Variants in MYCBP2 observed in about 807,000 individuals in gnomAD.
The protein encoded by MYCBP2 is E3 ubiquitin-protein ligase MYCBP2.
MYCBP2 carries 120 observed loss-of-function variants against 525.3 expected under a neutral mutation model. The observed-to-expected ratio is 0.23, with a 90% confidence interval of 0.20 to 0.27. The LOEUF (loss-of-function observed/expected upper bound fraction) is 0.27. Among genes scored for constraint, MYCBP2 ranks in the 10% least tolerant of loss-of-function variants. The pLI, the probability that MYCBP2 is intolerant of heterozygous loss-of-function variation, is 1.00. For missense variants in MYCBP2, 4,149 were observed against 5,657.1 expected (o/e 0.73, Z 8.55); for synonymous variants, 1,894 against 1,955.8 (o/e 0.97, Z 0.83).
intron 82 of MYCBP2, among the ~76,000 whole-genome samples, chr13:77,049,343 A>G (rs1033142310): frequency 1.3e-5 from 2 of 152,232 alleles, no homozygotes; most frequent in African/African-American, 4.8e-5. Context: ...TTTTTATTTG[A>G]CATGAGCAAA....
intron 62 of MYCBP2, among the ~76,000 whole-genome samples, chr13:77,084,548 G>A (rs562498158): frequency 6.6e-6 from 1 of 152,156 alleles, no homozygotes; most frequent in Admixed American, 6.5e-5. Context: ...TGTTAGACTG[G>A]GGTTATTTCA....
chr13:77,067,540 C>G (rs746623978), intron 71 of MYCBP2, 41 bp downstream of exon 71: 1 of 1,592,764 alleles, frequency 6.3e-7, no homozygotes, highest in Non-Finnish European at 8.6e-7. Context: ...CAGTAGCTCA[C>G]TCTATTCTGT....
At chr13:77,287,192 CT>C (rs71102733) in intron 3 of MYCBP2, among the ~76,000 whole-genome samples, 176 of 124,964 alleles carry the variant, frequency 1.4e-3, no homozygotes, top group Non-Finnish European at 1.5e-3. Context: ...CAGCCAGTTT[CT>C]TTTTTTTTTT....
intron 55 of MYCBP2, among the ~76,000 whole-genome samples, chr13:77,117,998 C>T (rs747451542): frequency 3.3e-5 from 5 of 152,120 alleles, no homozygotes; most frequent in Non-Finnish European, 7.4e-5. Flanking sequence ...AAAAAACAAA[C>T]AAACCTGTCC....
chr13:77,168,494 G>T lies in MYCBP2; in HGVS notation c.6048C>A (p.Thr2016=), dbSNP rs762873360. The change falls in exon 40 of 83, where the codon ACC becomes ACA. Residue 2016 remains threonine (T), a synonymous_variant. Transcript: ENST00000544440. ...TCTCTATGACAGCATAGTGACTGGA[G>T]GTTGTACAAGCAGAGAGGCCCTGTT... is the stretch of plus-strand genomic sequence containing the variant. ...QPEQGLSACT[T]SSHYAVIESE... 2 of 1,614,044 alleles carry T rather than the reference G, an allele frequency of 1.2e-6. No individual in the cohort carries two copies. The highest frequency in any genetic ancestry group is 2.2e-5 in the South Asian group (2 of 91,056).
In MYCBP2 at chr13:77,185,856, A is replaced by G. The variant is rs1417708824; in HGVS notation, c.4444+15T>C. ...TATTTTCTCCCTATAGTCATTTAAAAAAAATGCATCATACCTGACACTGGG... is the reference window on the plus strand; with the variant it reads ...TATTTTCTCCCTATAGTCATTTAAAGAAAATGCATCATACCTGACACTGGG... On this transcript the variant is annotated intron_variant, in intron 31 of 82. Transcript: ENST00000544440. 6 of 1,535,076 alleles carry G rather than the reference A, an allele frequency of 3.9e-6. No homozygotes were observed. The highest frequency in any genetic ancestry group is 4.4e-6 in the Non-Finnish European group (5 of 1,144,186).
intron 1 of MYCBP2, among the ~76,000 whole-genome samples, chr13:77,315,625 T>C (rs1002656547): frequency 4.6e-5 from 7 of 152,254 alleles, no homozygotes; most frequent in African/African-American, 1.7e-4. Context: ...CCGGGTGCGA[T>C]GGCTCACGCC....
At chr13:77,080,103 C>T (rs542715978) in intron 65 of MYCBP2, among the ~76,000 whole-genome samples, 4 of 152,172 alleles carry the variant, frequency 2.6e-5, no homozygotes, top group Admixed American at 2.6e-4. Flanking sequence ...TTACACTTGA[C>T]TTTCCAGTAA....
intron 20 of MYCBP2, among the ~76,000 whole-genome samples, chr13:77,219,453 G>C (rs141146303): frequency 4.8e-4 from 73 of 151,746 alleles, no homozygotes; most frequent in Non-Finnish European, 8.4e-4. Context: ...GAAGCTGAAG[G>C]AGAGGATTTT....
In MYCBP2 at chr13:77,326,611, T is replaced by A. The variant is rs776549586; in HGVS notation, c.165A>T (p.Leu55=). The part of the protein sequence containing the change: ...SVAAAGLGLG[L]PAADSRGHYQ... ...AGTGACCCCGGGAGTCCGCGGCGGGTAGCCCCAGCCCCAGCCCCGCAGCAG... is the reference window on the plus strand; with the variant it reads ...AGTGACCCCGGGAGTCCGCGGCGGGAAGCCCCAGCCCCAGCCCCGCAGCAG... Residue 55 remains leucine, a synonymous_variant, in exon 1 of 83, where the codon CTA becomes CTT. Coordinates refer to ENST00000544440, the MANE Select transcript of MYCBP2 (RefSeq NM_015057.5). This position sits in a 1 kb window ranked among gnomAD's most constrained non-coding sequence, Gnocchi z 4.2. 2.5e-6 allele frequency: 4 copies of A among 1,577,310 alleles called. No individual in the cohort carries two copies. In the African/African-American group the frequency reaches 4.2e-5, roughly 16 times the overall value.
At chr13:77,281,098 T>C (rs2076140461) in intron 3 of MYCBP2, among the ~76,000 whole-genome samples, 1 of 152,330 alleles carries the variant, frequency 6.6e-6, no homozygotes, top group Admixed American at 6.5e-5. Flanking sequence ...ACTTTGAAAG[T>C]AGACTTTAAA....
chr13:77,121,533 C>T (rs755530950), intron 54 of MYCBP2, 38 bp from the exon 55 acceptor site: 80 of 1,494,334 alleles, frequency 5.4e-5, no homozygotes, highest in Non-Finnish European at 6.6e-5. Context: ...TAGTTTCTTA[C>T]GTGCTATTCC....
chr13:77,171,344 T>C, intron 38 of MYCBP2, 148 bp downstream of exon 38: 1 of 676,876 alleles, frequency 1.5e-6, no homozygotes, highest in Non-Finnish European at 2.4e-6. Flanking sequence ...GAGTGTGACC[T>C]ATCCAAAATT....
At chr13:77,282,856 T>C (rs1470151748) in intron 3 of MYCBP2, among the ~76,000 whole-genome samples, 1 of 152,176 alleles carries the variant, frequency 6.6e-6, no homozygotes, top group East Asian at 1.9e-4. Flanking sequence ...TGCCTTCTTT[T>C]TCAGTCGTTA....
chr13:77,070,752 G>A, intron 68 of MYCBP2, 41 bp from the exon 69 acceptor site: 1 of 1,303,446 alleles, frequency 7.7e-7, no homozygotes, highest in South Asian at 1.4e-5. Flanking sequence ...GAATGAAGTG[G>A]TCTCTTTAAA....
chr13:77,238,094 T>A (rs1279761269), intron 17 of MYCBP2, among the ~76,000 whole-genome samples: 4 of 151,604 alleles, frequency 2.6e-5, no homozygotes, highest in Non-Finnish European at 4.4e-5. Flanking sequence ...ATACAAAAAA[T>A]TAGCCCGGTG....
intron 1 of MYCBP2, among the ~76,000 whole-genome samples, chr13:77,317,100 C>T (rs2081039447): frequency 6.6e-6 from 1 of 152,126 alleles, no homozygotes; most frequent in Admixed American, 6.5e-5. Flanking sequence ...CAAGCACGCG[C>T]CAACATGCCC....
At chr13:77,046,132 TAATC>T (rs1191671517) in intron 82 of MYCBP2, among the ~76,000 whole-genome samples, 17 of 152,290 alleles carry the variant, frequency 1.1e-4, no homozygotes, top group African/African-American at 4.1e-4. Context: ...TTGTTGATAA[TAATC>T]AAAGTAGGCC....
At chr13:77,215,021 A>G (rs916286047) in intron 21 of MYCBP2, among the ~76,000 whole-genome samples, 1 of 152,166 alleles carries the variant, frequency 6.6e-6, no homozygotes, top group Non-Finnish European at 1.5e-5. Flanking sequence ...AAGAAGAATA[A>G]ACTGTAAAAC....
Sources: gnomAD v4.1 joint callset for allele counts (sites outside exome capture counted in the v4.1 genomes callset) on GRCh38, gnomAD v4.1.1 for gene constraint, Gnocchi (gnomAD v3.1) non-coding constraint, MANE v1.5 for transcripts, NCBI Gene and HGNC (gene_info 2026-07-23, HGNC 2026-07-21) for gene names.